Variants in AP4E1 observed in about 807,000 individuals in gnomAD.
AP4E1 encodes the protein AP-4 complex subunit epsilon-1.
Under a neutral mutation model 128.2 loss-of-function variants are expected in AP4E1, and 56 were observed. The ratio of observed to expected loss-of-function variants is 0.44; its 90% confidence interval spans 0.35 to 0.55. AP4E1 has a LOEUF of 0.55. Among genes scored for constraint, AP4E1 ranks in the 20% least tolerant of loss-of-function variants. AP4E1 has a pLI of 0.00. For synonymous variants in AP4E1, 484 were observed against 473.1 expected (o/e 1.02, Z -0.30); for missense variants, 1,324 against 1,307.7 (o/e 1.01, Z -0.19).
In AP4E1 at chr15:50,914,195, C is replaced by T. The variant is rs149059738; in HGVS notation, c.223-1253C>T. 1.9e-3 allele frequency among the ~76,000 whole-genome samples: 291 copies of T among 152,276 alleles called. 2 individuals carry two copies. Among genetic ancestry groups the T allele is most frequent in the African/African-American group, 6.8e-3 (282 of 41,566 alleles). ...TAAGCACAAGTGACCTGAGTTAAAT[C>T]TCATTCCCTTAAGATTTTCCTATGG... is the stretch of plus-strand genomic sequence containing the variant. On this transcript the variant is annotated intron_variant, in intron 2 of 20. Transcript: ENST00000261842.
chr15:51,001,773 G>A (rs1213061344), intron 20 of AP4E1, among the ~76,000 whole-genome samples: 1 of 152,184 alleles, frequency 6.6e-6, no homozygotes, highest in Non-Finnish European at 1.5e-5. Context: ...GGTGAGTAAT[G>A]CTGCTATGAA....
chr15:50,979,515 A>T (rs540386398), intron 15 of AP4E1, among the ~76,000 whole-genome samples: 3 of 152,048 alleles, frequency 2.0e-5, no homozygotes, highest in Non-Finnish European at 4.4e-5. Flanking sequence ...AATGAGCCAA[A>T]TAAATTTCTT....
At chr15:50,923,879 A>T in intron 3 of AP4E1, 52 bp from the exon 4 acceptor site, 3 of 1,380,858 alleles carry the variant, frequency 2.2e-6, no homozygotes, top group Non-Finnish European at 3.1e-6. Flanking sequence ...ACTTCGTGTG[A>T]AAAGTCTGTT....
intron 15 of AP4E1, among the ~76,000 whole-genome samples, chr15:50,971,393 T>C (rs1464966519): frequency 6.6e-6 from 1 of 152,194 alleles, no homozygotes; most frequent in African/African-American, 2.4e-5. Flanking sequence ...TCTTTGACTT[T>C]TGACAGTTTG....
At chr15:50,940,744 T>C (rs1186333807) in intron 8 of AP4E1, among the ~76,000 whole-genome samples, 1 of 152,210 alleles carries the variant, frequency 6.6e-6, no homozygotes, top group African/African-American at 2.4e-5. Context: ...AAAAAAACTT[T>C]AGTGTCCATT....
At chr15:50,932,125 G>T (rs553657117) in intron 7 of AP4E1, among the ~76,000 whole-genome samples, 1 of 151,976 alleles carries the variant, frequency 6.6e-6, no homozygotes, top group East Asian at 1.9e-4. Flanking sequence ...GATTACAGGC[G>T]CACACCACCA....
At chr15:50,908,641 C>A (rs568046524), upstream of AP4E1, 75 of 1,141,776 alleles carry the variant, frequency 6.6e-5, no homozygotes, top group Non-Finnish European at 8.3e-5. Flanking sequence ...TGAACTTGTT[C>A]AGGTGGGACG....
chr15:50,963,177 A>G (rs2064339899), intron 14 of AP4E1, among the ~76,000 whole-genome samples: 1 of 150,852 alleles, frequency 6.6e-6, no homozygotes. Context: ...TATAGAAAAC[A>G]GCACAGAGAG....
chr15:50,999,133 A>G lies in AP4E1; in HGVS notation c.2966A>G (p.Gln989Arg), dbSNP rs759752903. The G allele has an allele frequency of 3.7e-5, 60 of 1,613,944 alleles. No individual in the cohort carries two copies. The South Asian group carries it at 6.5e-4, about 17-fold the overall frequency. Residue 989 changes from glutamine to arginine, a missense_variant, in exon 19 of 21, where the codon CAA becomes CGA. Gln to Arg is a conservative substitution (Grantham distance 43, BLOSUM62 1). Coordinates refer to ENST00000261842, the MANE Select transcript of AP4E1 (RefSeq NM_007347.5). ...GAAGCAGAAAGCACCAAAAGCTTTC[A>G]ATATAGTGTGCAGATAGAAAAACCT... is the stretch of plus-strand genomic sequence containing the variant. The part of the protein sequence containing the change: ...VMEAESTKSF[Q>R]YSVQIEKPFT...
At chr15:50,977,706 G>GGTTTTTTTTT in intron 15 of AP4E1, among the ~76,000 whole-genome samples, 1 of 80,288 alleles carries the variant, frequency 1.2e-5, no homozygotes, top group African/African-American at 4.7e-5. Context: ...ATCTGTTATG[G>GGTTTTTTTTT]TTTTTTTTTT....
Position 50,941,534 on chromosome 15 carries a change from C to A in AP4E1, c.1036C>A (p.Leu346Met), listed in dbSNP as rs201394319. 28 of 1,613,032 alleles carry A rather than the reference C, an allele frequency of 1.7e-5. 1 individual carries two copies. Among genetic ancestry groups the A allele is most frequent in the Middle Eastern group, 3.3e-4 (2 of 6,054 alleles). The change falls in exon 9 of 21, where the codon CTG (leucine) becomes ATG (methionine). Residue 346 changes from leucine (L) to methionine (M), a missense_variant. Coordinates refer to ENST00000261842, the MANE Select transcript of AP4E1 (RefSeq NM_007347.5). ...TGCCAAGTGCATTGGAAAATTTGTT[C>A]TGTCACCTAAAATAAATCTAAAATA... ...KAAKCIGKFV[L>M]SPKINLKYLG... is the part of the protein sequence containing the mutation.
intron 8 of AP4E1, among the ~76,000 whole-genome samples, chr15:50,938,701 G>A (rs1312914345): frequency 1.3e-5 from 2 of 152,106 alleles, no homozygotes; most frequent in African/African-American, 4.8e-5. Context: ...CTCCTGATCA[G>A]CGATAATGAG....
intron 8 of AP4E1, among the ~76,000 whole-genome samples, chr15:50,937,169 A>T (rs1159902807): frequency 6.6e-6 from 1 of 152,182 alleles, no homozygotes; most frequent in African/African-American, 2.4e-5. Context: ...TAGGTATTTT[A>T]CTGCTTAAGA....
chr15:50,930,439 A>G (rs2063820150), intron 6 of AP4E1, among the ~76,000 whole-genome samples: 1 of 150,336 alleles, frequency 6.7e-6, no homozygotes, highest in Non-Finnish European at 1.5e-5. Context: ...ATAGGCCTTG[A>G]TTTTCATCCA....
intron 3 of AP4E1, 32 bp downstream of exon 3, chr15:50,915,603 C>T (rs1293940698): frequency 6.2e-7 from 1 of 1,611,396 alleles, no homozygotes; most frequent in Non-Finnish European, 8.5e-7. Context: ...TTGATGCTTT[C>T]ATGTTGTCCT....
intron 3 of AP4E1, among the ~76,000 whole-genome samples, chr15:50,922,246 T>C (rs777125936): frequency 3.4e-4 from 51 of 151,568 alleles, no homozygotes; most frequent in Non-Finnish European, 5.6e-4. Context: ...GGTGAAGGAT[T>C]GCTTGAGCTT....
At position 50,984,044 on chromosome 15, in the gene AP4E1, A is replaced by G. The variant is rs748662980; in HGVS notation, c.1989A>G (p.Gly663=). ...QEKVLNFEPY[G]LSFSSSGFTG... ...TAGTTCTCAATTTTGAACCATATGGACTCTCCTTTTCTTCATCTGGCTTCA... is the reference window on the plus strand; with the variant it reads ...TAGTTCTCAATTTTGAACCATATGGGCTCTCCTTTTCTTCATCTGGCTTCA... The change falls in exon 16 of 21, where the codon GGA becomes GGG. Residue 663 remains glycine, a synonymous_variant. Transcript: ENST00000261842. 6.2e-7 allele frequency: 1 copy of G among 1,612,394 alleles called. No individual in the cohort carries two copies. The highest frequency in any genetic ancestry group is 1.7e-5 in the Admixed American group (1 of 59,914).
rs1243583962 is a variant in AP4E1 at position 50,930,824 on chromosome 15, A to G, written c.722A>G (p.Lys241Arg). ...ATGTAGGAGAATTCATCTGGATATA[A>G]AGACTTGACTGGGAGTTTTGTAACC... ...RMIKENSSGY[K>R]DLTGSFVTIL... The change falls in exon 7 of 21, where the codon AAA (lysine) becomes AGA (arginine). Residue 241 changes from lysine to arginine, a missense_variant. Lys to Arg is a conservative substitution (Grantham distance 26). Transcript: ENST00000261842. The G allele has an allele frequency of 6.2e-7, 1 of 1,614,130 alleles. No homozygotes were observed. Among genetic ancestry groups the G allele is most frequent in the Non-Finnish European group, 8.5e-7 (1 of 1,180,022 alleles).
At chr15:51,002,410 A>G in intron 20 of AP4E1, 92 bp from the exon 21 acceptor site, 15 of 1,359,798 alleles carry the variant, frequency 1.1e-5, no homozygotes, top group Non-Finnish European at 7.3e-6. Context: ...GTATCTTTTC[A>G]TGTGCTTATT....
Sources: gnomAD v4.1 joint callset for allele counts (sites outside exome capture counted in the v4.1 genomes callset) on GRCh38, gnomAD v4.1.1 for gene constraint, MANE v1.5 for transcripts, NCBI Gene and HGNC (gene_info 2026-07-23, HGNC 2026-07-21) for gene names.